CUL2: variants seen among roughly 807,000 people sequenced by gnomAD.
CUL2 encodes cullin-2.
Under a neutral mutation model 110.2 loss-of-function variants are expected in CUL2, and 22 were observed. That is an observed-to-expected ratio of 0.20 (90% CI 0.14 to 0.28). CUL2 has a LOEUF of 0.28. Among genes scored for constraint, CUL2 ranks in the 10% least tolerant of loss-of-function variants. CUL2 has a pLI of 1.00. For missense variants in CUL2, 631 were observed against 905.5 expected, an observed-to-expected ratio of 0.70 and a Z score of 3.89; for synonymous variants, 279 against 293.2, an observed-to-expected ratio of 0.95 and a Z score of 0.49.
intron 1 of CUL2, among the ~76,000 whole-genome samples, chr10:35,116,393 A>G (rs2087601622): frequency 6.6e-6 from 1 of 152,154 alleles, no homozygotes; most frequent in African/African-American, 2.4e-5. Flanking sequence ...GACAATGGAG[A>G]CAAAATAGAG....
chr10:35,071,349 A>T lies in CUL2; in HGVS notation c.-22-10T>A. Reference sequence around the variant, plus strand: ...AGTGTAGTGTTGAAATCTGTCAATTAAAAAACAATAACAATGTTAGCAATA... The same window carrying T: ...AGTGTAGTGTTGAAATCTGTCAATTTAAAAACAATAACAATGTTAGCAATA... On this transcript the variant is annotated splice_polypyrimidine_tract_variant and intron_variant, in intron 1 of 20. Coordinates refer to ENST00000374749, the MANE Select transcript of CUL2 (RefSeq NM_003591.4). 1 of 1,595,244 alleles carries T rather than the reference A, an allele frequency of 6.3e-7. No homozygotes were observed. Among genetic ancestry groups the T allele is most frequent in the Non-Finnish European group, 8.6e-7 (1 of 1,167,148 alleles).
intron 4 of CUL2, among the ~76,000 whole-genome samples, chr10:35,057,059 T>C (rs528257264): frequency 1.1e-4 from 17 of 152,328 alleles, no homozygotes; most frequent in Admixed American, 1.1e-3. Flanking sequence ...AGGATGTTAC[T>C]TTCCTATTCA....
Position 35,016,331 on chromosome 10 carries a change from G to T in CUL2, c.1748C>A (p.Ala583Glu). 1 of 1,613,894 alleles carries T rather than the reference G, an allele frequency of 6.2e-7. No homozygotes were observed. Among genetic ancestry groups the T allele is most frequent in the Middle Eastern group, 1.6e-4 (1 of 6,062 alleles). The change falls in exon 18 of 21, where the codon GCA (alanine) becomes GAA (glutamate). Residue 583 changes from alanine to glutamate, a missense_variant. Ala to Glu is a moderately radical substitution (Grantham distance 107, BLOSUM62 -1). This residue lies in a region of CUL2 where 159 missense variants were observed against 202.7 expected (regional missense o/e 0.78). Transcript: ENST00000374749. ...YVAMVTTYQMAVLLAFNNSET... is the reference protein window; with the variant it reads ...YVAMVTTYQMEVLLAFNNSET... Reference sequence around the variant, plus strand: ...ACTGTTGTTAAAGGCAAGAAGAACTGCCATTTGGTATGTTGTAACCATGGC... The same window carrying T: ...ACTGTTGTTAAAGGCAAGAAGAACTTCCATTTGGTATGTTGTAACCATGGC...
chr10:35,045,562 C>T (rs797009321), intron 6 of CUL2, among the ~76,000 whole-genome samples: 1 of 115,166 alleles, frequency 8.7e-6, no homozygotes, highest in South Asian at 2.9e-4. Context: ...AAAAAAAAAA[C>T]AACTTAGCTG....
rs2085473139 is a variant in CUL2 at position 35,031,240 on chromosome 10, C to T, written c.1386+60G>A. 1.9e-6 allele frequency: 2 copies of T among 1,071,808 alleles called. No homozygotes were observed. Among genetic ancestry groups the T allele is most frequent in the Non-Finnish European group, 2.8e-6 (2 of 725,722 alleles). The allele number at this position is 1,071,808 out of a possible 1,614,324, so 66.4% of individuals were successfully genotyped here. A position where few individuals can be genotyped will look rare whatever the true frequency, so the allele number is the denominator to read the frequency against. ...TTACTGTACACAATGCTGCAATGAA[C>T]ATCTTTATGTGCTTGTGAATGAATT... On this transcript the variant is annotated intron_variant, in intron 14 of 20. Coordinates refer to ENST00000374749, the MANE Select transcript of CUL2 (RefSeq NM_003591.4). This position sits in a 1 kb window ranked among gnomAD's most constrained non-coding sequence, Gnocchi z 4.4.
intron 10 of CUL2, among the ~76,000 whole-genome samples, chr10:35,034,821 A>G (rs2085579215): frequency 6.6e-6 from 1 of 152,166 alleles, no homozygotes; most frequent in East Asian, 1.9e-4. Flanking sequence ...AGTCGTCTAT[A>G]TTACCACTGA....
At position 35,064,259 on chromosome 10, in the gene CUL2, G is replaced by T. The variant is rs565820176; in HGVS notation, c.120-1197C>A. The T allele has an allele frequency of 4.6e-5, 7 of 152,258 alleles. No individual in the cohort carries two copies. The East Asian group carries it at 1.2e-3, about 25-fold the overall frequency. 9.4% of individuals were successfully genotyped at this position (152,258 alleles called of 1,614,324 possible). ...TGAGACCAGCCTAACTAAAGATGCA[G>T]ATACAAACTGGAAATAAGGCTGATG... is the stretch of plus-strand genomic sequence containing the variant. On this transcript the variant is annotated intron_variant, in intron 2 of 20. Coordinates refer to ENST00000374749, the MANE Select transcript of CUL2 (RefSeq NM_003591.4).
intron 17 of CUL2, among the ~76,000 whole-genome samples, chr10:35,023,772 T>A (rs1243960647): frequency 6.8e-6 from 1 of 147,566 alleles, no homozygotes; most frequent in East Asian, 2.0e-4. Context: ...AAAAAAAAAA[T>A]CTAAAACCCT....
At chr10:35,072,369 G>C (rs1301344888) in intron 1 of CUL2, among the ~76,000 whole-genome samples, 2 of 147,554 alleles carry the variant, frequency 1.4e-5, no homozygotes, top group Non-Finnish European at 3.0e-5. Context: ...TGAACTTAAT[G>C]GGCTTTTTTT....
chr10:35,093,812 T>C (rs1003537344), upstream of CUL2, among the ~76,000 whole-genome samples: 10 of 152,020 alleles, frequency 6.6e-5, no homozygotes, highest in Non-Finnish European at 1.2e-4. Context: ...ATTTCAACCA[T>C]AGAGAACCTA....
At position 35,016,272 on chromosome 10, in the gene CUL2, T is replaced by C. The variant is rs1024157662; in HGVS notation, c.1807A>G (p.Thr603Ala). The change falls in exon 18 of 21, where the codon ACT becomes GCT. Residue 603 changes from threonine to alanine, a missense_variant. Thr to Ala is a moderately conservative substitution (Grantham distance 58). Transcript: ENST00000374749. Reference protein sequence around the residue: ...TVSYKELQDSTQMNEKELTKT... With the variant: ...TVSYKELQDSAQMNEKELTKT... ...GTCAGTTCCTTTTCATTCATCTGAG[T>C]GCTGTCCTGAAGCTCTTTATAACTG... The C allele has an allele frequency of 5.0e-6, 8 of 1,613,960 alleles. No homozygotes were observed. Among genetic ancestry groups the C allele is most frequent in the Non-Finnish European group, 6.8e-6 (8 of 1,179,970 alleles).
At chr10:35,075,481 G>A (rs2086792907) in intron 1 of CUL2, among the ~76,000 whole-genome samples, 1 of 152,036 alleles carries the variant, frequency 6.6e-6, no homozygotes, top group African/African-American at 2.4e-5. Flanking sequence ...AGATTCCCAC[G>A]CGCACTCAGA....
chr10:35,076,378 T>C (rs1367821390), intron 1 of CUL2, among the ~76,000 whole-genome samples: 2 of 152,166 alleles, frequency 1.3e-5, no homozygotes, highest in African/African-American at 4.8e-5. Context: ...AAATTGTATA[T>C]TTCAAATAGG....
rs1320520294 is a variant in CUL2 at position 35,061,078 on chromosome 10, G to A, written c.223-110C>T. The A allele has an allele frequency of 3.4e-6, 4 of 1,192,662 alleles. No individual in the cohort carries two copies. In the African/African-American group the frequency reaches 4.6e-5, roughly 14 times the overall value. 73.9% of individuals were successfully genotyped at this position (1,192,662 alleles called of 1,614,324 possible). The stretch of plus-strand genomic sequence containing the variant: ...TAAAATAATTTACATAATTCTAGCT[G>A]TACAAATTACATTTACACAACACAT... On this transcript the variant is annotated intron_variant, in intron 3 of 20. Coordinates refer to ENST00000374749, the MANE Select transcript of CUL2 (RefSeq NM_003591.4).
chr10:35,032,859 CTAAG>C (rs1372234710), intron 11 of CUL2, among the ~76,000 whole-genome samples: 2 of 151,808 alleles, frequency 1.3e-5, no homozygotes, highest in Non-Finnish European at 2.9e-5. Flanking sequence ...TCAATATAGC[CTAAG>C]TATTATGGCC....
intron 2 of CUL2, among the ~76,000 whole-genome samples, chr10:35,069,613 G>A (rs1167506626): frequency 6.6e-6 from 1 of 151,154 alleles, no homozygotes; most frequent in African/African-American, 2.4e-5. Context: ...TAACATCAGA[G>A]AAATAACAGT....
At chr10:35,080,389 T>C (rs1028014772) in intron 1 of CUL2, among the ~76,000 whole-genome samples, 7 of 152,116 alleles carry the variant, frequency 4.6e-5, no homozygotes, top group Admixed American at 4.6e-4. Context: ...AAGTACTCCA[T>C]AAACAACATT....
At chr10:35,107,260 C>T (rs1179756294) in intron 1 of CUL2, among the ~76,000 whole-genome samples, 1 of 151,766 alleles carries the variant, frequency 6.6e-6, no homozygotes, top group Non-Finnish European at 1.5e-5. Flanking sequence ...AGGCATGAGC[C>T]ACCGCGCCCA....
chr10:35,031,737 T>C lies in CUL2; in HGVS notation c.1171-118A>G. 9.4e-7 allele frequency: 1 copy of C among 1,065,106 alleles called. No homozygotes were observed. The highest frequency in any genetic ancestry group is 1.4e-6 in the Non-Finnish European group (1 of 729,558). The allele number at this position is 1,065,106 out of a possible 1,614,324, so 66.0% of individuals were successfully genotyped here. On this transcript the variant is annotated intron_variant, in intron 12 of 20. Coordinates refer to ENST00000374749, the MANE Select transcript of CUL2 (RefSeq NM_003591.4). The surrounding 1 kb of genome is among the most constrained non-coding windows in gnomAD (Gnocchi z 4.4). Reference sequence around the variant, plus strand: ...GCGGACAGAATTTTTGCTGTTTTTTTTAGAGACCGGGTCTTGCTCTGTTGC... The same window carrying C: ...GCGGACAGAATTTTTGCTGTTTTTTCTAGAGACCGGGTCTTGCTCTGTTGC...
Sources: gnomAD v4.1 joint callset for allele counts (sites outside exome capture counted in the v4.1 genomes callset) on GRCh38, gnomAD v4.1.1 for gene constraint, gnomAD v4.1.1 regional missense constraint, Gnocchi (gnomAD v3.1) non-coding constraint, MANE v1.5 for transcripts, NCBI Gene and HGNC (gene_info 2026-07-23, HGNC 2026-07-21) for gene names.